The following SLC22A24 variants were observed in gnomAD, a reference collection of about 807,000 sequenced individuals.
SLC22A24 encodes the protein steroid transmembrane transporter SLC22A24.
A neutral mutation model predicts 49.8 loss-of-function variants in SLC22A24; 53 were observed. That is an observed-to-expected ratio of 1.06 (90% CI 0.85 to 1.34). SLC22A24 has a LOEUF of 1.34. Ranked by LOEUF, SLC22A24 falls within the 40% of genes most tolerant of loss-of-function variation. SLC22A24 has a pLI of 0.00. For synonymous variants in SLC22A24, 302 were observed against 256.4 expected (o/e 1.18, Z -1.70); for missense variants, 786 against 675.9 (o/e 1.16, Z -1.81).
At chr11:63,111,901 G>A (rs2087168202) in intron 4 of SLC22A24, among the ~76,000 whole-genome samples, 1 of 151,682 alleles carries the variant, frequency 6.6e-6, no homozygotes, top group African/African-American at 2.4e-5. Flanking sequence ...GCTTTTGAAT[G>A]TGTTTGCTCT....
chr11:63,116,985 TG>T, intron 4 of SLC22A24, among the ~76,000 whole-genome samples: 1 of 152,304 alleles, frequency 6.6e-6, no homozygotes. Flanking sequence ...TGTATTTTTT[TG>T]TTACTTATTT....
At chr11:63,139,664 A>C (rs1194590272) in intron 1 of SLC22A24, among the ~76,000 whole-genome samples, 1 of 152,166 alleles carries the variant, frequency 6.6e-6, no homozygotes. Flanking sequence ...ACAGTTGGTA[A>C]AAGCACCACA....
At chr11:63,094,757 C>G (rs1180867465) in intron 6 of SLC22A24, among the ~76,000 whole-genome samples, 1 of 152,144 alleles carries the variant, frequency 6.6e-6, no homozygotes, top group East Asian at 1.9e-4. Context: ...TTTCATGTGT[C>G]TTTTGGCTGC....
intron 2 of SLC22A24, among the ~76,000 whole-genome samples, chr11:63,129,337 A>C (rs902754672): frequency 1.3e-5 from 2 of 151,998 alleles, no homozygotes; most frequent in Admixed American, 6.6e-5. Flanking sequence ...CGGTCTATAT[A>C]TCTGTTTTGG....
At chr11:63,110,453 C>A (rs910893715) in intron 4 of SLC22A24, among the ~76,000 whole-genome samples, 4 of 148,632 alleles carry the variant, frequency 2.7e-5, no homozygotes, top group African/African-American at 9.8e-5. Flanking sequence ...TGGCCATTTT[C>A]ACGATATTGA....
intron 2 of SLC22A24, among the ~76,000 whole-genome samples, 194 bp from the exon 3 acceptor site, chr11:63,119,529 A>G (rs928433953): frequency 1.3e-5 from 2 of 152,124 alleles, no homozygotes; most frequent in Non-Finnish European, 2.9e-5. Flanking sequence ...TCAGTATGAG[A>G]GTGTTGTCAA....
chr11:63,118,128 C>A (rs940481694), intron 4 of SLC22A24, among the ~76,000 whole-genome samples: 2 of 152,036 alleles, frequency 1.3e-5, no homozygotes, highest in Non-Finnish European at 2.9e-5. Context: ...GGGGAGCCAG[C>A]AGAAAGGTAT....
intron 6 of SLC22A24, among the ~76,000 whole-genome samples, chr11:63,091,407 A>C (rs1434964608): frequency 6.6e-6 from 1 of 152,210 alleles, no homozygotes; most frequent in Non-Finnish European, 1.5e-5. Context: ...TAATTTTATG[A>C]GGCCAGCATC....
At chr11:63,118,638 T>C (rs1449439541) in intron 4 of SLC22A24, 1 of 557,464 alleles carries the variant, frequency 1.8e-6, no homozygotes, top group Non-Finnish European at 3.2e-6. Context: ...AGATAAATAA[T>C]ACATTTGCTT....
At chr11:63,081,331 A>G (rs1242167025) in intron 8 of SLC22A24, among the ~76,000 whole-genome samples, 1 of 152,200 alleles carries the variant, frequency 6.6e-6, no homozygotes. Flanking sequence ...CCTTAGTTTC[A>G]TAATTACTAA....
intron 4 of SLC22A24, among the ~76,000 whole-genome samples, chr11:63,111,783 A>G (rs1165385451): frequency 2.6e-5 from 4 of 151,806 alleles, no homozygotes; most frequent in African/African-American, 9.7e-5. Flanking sequence ...AATTTTGTTG[A>G]TCCTTTCAAA....
intron 6 of SLC22A24, among the ~76,000 whole-genome samples, chr11:63,090,601 A>T (rs544065500): frequency 1.3e-5 from 2 of 151,930 alleles, no homozygotes; most frequent in Non-Finnish European, 2.9e-5. Context: ...TGCCTGAATG[A>T]CTACTGGGTA....
intron 4 of SLC22A24, chr11:63,118,681 A>T (rs2087228708): frequency 1.9e-6 from 1 of 538,314 alleles, no homozygotes; most frequent in East Asian, 2.9e-5. Flanking sequence ...CTATTAAGAA[A>T]AATAATTTCA....
chr11:63,135,578 T>C (rs574256281), intron 1 of SLC22A24, among the ~76,000 whole-genome samples: 1 of 152,356 alleles, frequency 6.6e-6, no homozygotes, highest in East Asian at 1.9e-4. Context: ...CCATTTGATA[T>C]TGGAATACAT....
intron 5 of SLC22A24, among the ~76,000 whole-genome samples, chr11:63,103,667 A>G (rs2134650870): frequency 6.6e-6 from 1 of 152,202 alleles, no homozygotes; most frequent in East Asian, 1.9e-4. Context: ...GATGAAGACA[A>G]TGTAAATGCC....
chr11:63,095,974 C>A lies in SLC22A24; in HGVS notation c.1070+17G>T, dbSNP rs756403957. The A allele has an allele frequency of 6.6e-7, 1 of 1,511,476 alleles. No homozygotes were observed. Among genetic ancestry groups the A allele is most frequent in the East Asian group, 2.5e-5 (1 of 40,664 alleles). 93.6% of individuals were successfully genotyped at this position (1,511,476 alleles called of 1,614,324 possible). ...TCTCCAATATTTTAAAGTGAATCAT[C>A]ACCAAATGGAACTTACCTCACAAAG... On this transcript the variant is annotated intron_variant, in intron 6 of 9. Coordinates refer to ENST00000612278, the MANE Select transcript of SLC22A24 (RefSeq NM_001136506.2).
chr11:63,118,824 G>T, intron 4 of SLC22A24, 88 bp downstream of exon 4: 1 of 1,382,694 alleles, frequency 7.2e-7, no homozygotes, highest in Non-Finnish European at 1.0e-6. Flanking sequence ...CTAGGCCAGA[G>T]ACCGAACAGA....
intron 1 of SLC22A24, among the ~76,000 whole-genome samples, chr11:63,140,015 CTT>C (rs1287986745): frequency 6.7e-6 from 1 of 149,508 alleles, no homozygotes; most frequent in African/African-American, 2.5e-5. Flanking sequence ...ACTTTAATGA[CTT>C]TTTGTTCACA....
intron 6 of SLC22A24, among the ~76,000 whole-genome samples, chr11:63,095,786 G>GTTTTT (rs2087050483): frequency 1.3e-5 from 2 of 152,198 alleles, no homozygotes; most frequent in Admixed American, 1.3e-4. Flanking sequence ...ATGCTGATAA[G>GTTTTT]TTTTAACTAT....
Sources: allele counts gnomAD v4.1 joint callset (sites outside exome capture counted in the v4.1 genomes callset), GRCh38; gene constraint gnomAD v4.1.1; transcripts MANE v1.5; gene names NCBI Gene and HGNC (gene_info 2026-07-23, HGNC 2026-07-21).